Variants in LRRC7 observed in about 807,000 individuals in gnomAD.
LRRC7 encodes leucine rich repeat containing 7.
In LRRC7, 23 loss-of-function variants were observed where a neutral mutation model predicts 175.7. That is an observed-to-expected ratio of 0.13 (90% CI 0.09 to 0.19). The LOEUF is 0.19. Ranked by LOEUF, LRRC7 falls within the 10% of genes least tolerant of loss-of-function variation. The pLI, the probability that LRRC7 is intolerant of heterozygous loss-of-function variation, is 1.00. For missense variants in LRRC7, 1,354 were observed against 1,904.7 expected (o/e 0.71, Z 5.38); for synonymous variants, 685 against 680.9 (o/e 1.01, Z -0.09).
chr1:69,907,697 A>T, intron 7 of LRRC7, among the ~76,000 whole-genome samples: 1 of 152,334 alleles, frequency 6.6e-6, no homozygotes, highest in East Asian at 1.9e-4. Flanking sequence ...ATCAATGTTC[A>T]TCAAGGACAC....
intron 7 of LRRC7, among the ~76,000 whole-genome samples, chr1:69,866,065 A>G (rs1010781789): frequency 8.5e-5 from 13 of 152,242 alleles, no homozygotes; most frequent in African/African-American, 2.9e-4. Flanking sequence ...ATGAAGCACA[A>G]GATAAATTCA....
chr1:70,107,939 G>T, intron 26 of LRRC7, 113 bp downstream of exon 26: 1 of 943,574 alleles, frequency 1.1e-6, no homozygotes, highest in Non-Finnish European at 1.6e-6. Context: ...TTCTCACATT[G>T]CTTATTTGCC....
chr1:69,926,712 A>G (rs555034531), intron 7 of LRRC7, among the ~76,000 whole-genome samples: 17 of 151,942 alleles, frequency 1.1e-4, no homozygotes, highest in Non-Finnish European at 2.2e-4. Flanking sequence ...TCTGCACGTG[A>G]GATGGGTGTC....
intron 4 of LRRC7, among the ~76,000 whole-genome samples, chr1:69,810,205 C>A (rs529715429): frequency 6.6e-6 from 1 of 152,152 alleles, no homozygotes; most frequent in Non-Finnish European, 1.5e-5. Flanking sequence ...CCTAGGAATA[C>A]AACTTACAAG....
chr1:70,094,071 A>G (rs1433832314), intron 25 of LRRC7, among the ~76,000 whole-genome samples: 2 of 152,158 alleles, frequency 1.3e-5, no homozygotes, highest in Non-Finnish European at 2.9e-5. Flanking sequence ...TCTTAAAGAG[A>G]TTAAAGAAGA....
intron 1 of LRRC7, among the ~76,000 whole-genome samples, chr1:69,642,299 A>G (rs758177334): frequency 6.6e-6 from 1 of 152,004 alleles, no homozygotes; most frequent in Non-Finnish European, 1.5e-5. Context: ...TCAAAATATA[A>G]CAAATCTTGC....
chr1:69,781,709 AAGAAAGAAAGAAAGAAAGAAAGAAAGAG>A, intron 3 of LRRC7, among the ~76,000 whole-genome samples: 1 of 29,336 alleles, frequency 3.4e-5, no homozygotes, highest in Non-Finnish European at 5.9e-5. Context: ...GAAAGAAAGA[AAGAAAGAAAGAAAGAAAGAAAGAAAGAG>A]AGAGAGAGAG....
At position 69,575,165 on chromosome 1, in the gene LRRC7, T is replaced by C. The variant is rs887938431; in HGVS notation, c.2+6524T>C. Among the ~76,000 whole-genome samples the C allele has an allele frequency of 3.3e-5, 5 of 152,126 alleles. 1 individual carries two copies. In the East Asian group the frequency reaches 9.6e-4, roughly 29 times the overall value. On this transcript the variant is annotated intron_variant, in intron 1 of 26. Coordinates refer to ENST00000651989, the MANE Select transcript of LRRC7 (RefSeq NM_001370785.2). ...GAAACTGAGGCCCCACTAAGTATAC[T>C]TTCTTGCTGAGGGTCATCCAACTGT...
At position 70,132,457 on chromosome 1, in the gene LRRC7, C is replaced by CTTTTTTTTTTTTTTTTTTTTTTTTT. The variant is rs149091576; in HGVS notation, c.*10572_*10596dup. 2.6e-5 allele frequency among the ~76,000 whole-genome samples: 2 copies of CTTTTTTTTTTTTTTTTTTTTTTTTT among 76,450 alleles called. No individual in the cohort carries two copies. The highest frequency in any genetic ancestry group is 4.5e-5 in the Non-Finnish European group (2 of 44,532). The allele number at this position is 76,450 out of a possible 152,430, so 50.2% of individuals were successfully genotyped here. ...TTTCTTTTTTCTTTTCTTTTCTTTT[C>CTTTTTTTTTTTTTTTTTTTTTTTTT]TTTTTTTTTTTTTTTTTTTTTTTTT... On this transcript the variant is annotated 3_prime_UTR_variant, in exon 27 of 27. Coordinates refer to ENST00000651989, the MANE Select transcript of LRRC7 (RefSeq NM_001370785.2).
chr1:70,018,598 C>A, intron 14 of LRRC7, 121 bp from the exon 15 acceptor site: 1 of 512,254 alleles, frequency 2.0e-6, no homozygotes, highest in Non-Finnish European at 3.4e-6. Context: ...GTTGTAATTT[C>A]TTATTTTATT....
At chr1:69,777,610 C>T (rs1672956945) in intron 3 of LRRC7, among the ~76,000 whole-genome samples, 1 of 152,196 alleles carries the variant, frequency 6.6e-6, no homozygotes, top group Non-Finnish European at 1.5e-5. Flanking sequence ...AACCTATCTC[C>T]TGTCCTGTAT....
intron 2 of LRRC7, among the ~76,000 whole-genome samples, chr1:69,739,894 CTGAAT>C (rs1668517943): frequency 1.3e-5 from 2 of 152,072 alleles, no homozygotes; most frequent in Non-Finnish European, 2.9e-5. Context: ...ATTAAGCAAA[CTGAAT>C]GCACTTAAGT....
chr1:69,704,854 C>A (rs1008261985), intron 2 of LRRC7, among the ~76,000 whole-genome samples: 1 of 151,952 alleles, frequency 6.6e-6, no homozygotes, highest in Non-Finnish European at 1.5e-5. Context: ...TTAAGCATTA[C>A]AATACTATTG....
At chr1:69,680,631 T>A (rs1660356333) in intron 2 of LRRC7, among the ~76,000 whole-genome samples, 1 of 151,586 alleles carries the variant, frequency 6.6e-6, no homozygotes, top group Non-Finnish European at 1.5e-5. Context: ...CAATTCTACT[T>A]GCTCTGTGAC....
chr1:69,797,302 AT>A (rs1260374146), intron 4 of LRRC7, among the ~76,000 whole-genome samples: 1 of 152,188 alleles, frequency 6.6e-6, no homozygotes, highest in Admixed American at 6.5e-5. Context: ...GTTCCTTAGA[AT>A]AATGACTACC....
At chr1:69,921,724 C>G (rs2101737405) in intron 7 of LRRC7, among the ~76,000 whole-genome samples, 1 of 152,286 alleles carries the variant, frequency 6.6e-6, no homozygotes, top group African/African-American at 2.4e-5. Context: ...TTCCAAGTTG[C>G]TGATGTGAGC....
rs568314522 is a variant in LRRC7, at chr1:69,627,027, T to G, written c.3-51354T>G. Among the ~76,000 whole-genome samples the G allele has an allele frequency of 3.8e-3, 577 of 152,268 alleles. 5 individuals carry two copies. Among genetic ancestry groups the G allele is most frequent in the South Asian group, 0.011 (52 of 4,826 alleles). On this transcript the variant is annotated intron_variant, in intron 1 of 26. Transcript: ENST00000651989. The stretch of plus-strand genomic sequence containing the variant: ...TTTGCTATTGTGAATAGTGCCACAA[T>G]AAACATACATGTGCTTGTGTCTTTA...
At chr1:70,096,168 G>T (rs1385879886) in intron 25 of LRRC7, among the ~76,000 whole-genome samples, 1 of 152,064 alleles carries the variant, frequency 6.6e-6, no homozygotes, top group Non-Finnish European at 1.5e-5. Context: ...GTAGAGATGG[G>T]GTTTCACCAT....
intron 2 of LRRC7, among the ~76,000 whole-genome samples, chr1:69,687,922 A>G (rs1481576547): frequency 1.3e-5 from 2 of 152,334 alleles, no homozygotes; most frequent in African/African-American, 2.4e-5. Flanking sequence ...TAATAACTCA[A>G]GGATGGTTTT....
Sources: gnomAD v4.1 joint callset for allele counts (sites outside exome capture counted in the v4.1 genomes callset) on GRCh38, gnomAD v4.1.1 for gene constraint, MANE v1.5 for transcripts, NCBI Gene and HGNC (gene_info 2026-07-23, HGNC 2026-07-21) for gene names.